Variants in TRABD2B observed in about 807,000 individuals in gnomAD.
The protein encoded by TRABD2B is TraB domain containing 2B, also known as metalloprotease TIKI2.
Under a neutral mutation model 40.1 loss-of-function variants are expected in TRABD2B, and 14 were observed. The observed-to-expected ratio is 0.35, with a 90% confidence interval of 0.23 to 0.55. The LOEUF (loss-of-function observed/expected upper bound fraction) is 0.55. TRABD2B is among the 20% of genes least tolerant of loss of function. TRABD2B has a pLI of 0.90. For missense variants in TRABD2B, 541 were observed against 648.6 expected, an observed-to-expected ratio of 0.83 and a Z score of 1.80; for synonymous variants, 263 against 277.0, an observed-to-expected ratio of 0.95 and a Z score of 0.50.
intron 3 of TRABD2B, among the ~76,000 whole-genome samples, chr1:47,800,025 TTC>T (rs1644800688): frequency 1.3e-5 from 2 of 152,182 alleles, no homozygotes; most frequent in Non-Finnish European, 2.9e-5. Context: ...CCTTCCTTCC[TTC>T]CTTCCTTCAT....
At chr1:47,946,483 A>G (rs1210916376) in intron 2 of TRABD2B, among the ~76,000 whole-genome samples, 1 of 152,138 alleles carries the variant, frequency 6.6e-6, no homozygotes, top group South Asian at 2.1e-4. Flanking sequence ...TCTGCATCTA[A>G]TGAGATGATC....
At chr1:47,864,723 C>G (rs752747210) in intron 2 of TRABD2B, among the ~76,000 whole-genome samples, 4 of 152,034 alleles carry the variant, frequency 2.6e-5, no homozygotes, top group Non-Finnish European at 5.9e-5. Flanking sequence ...TGATGACATG[C>G]TGAGGGGCCT....
At chr1:47,812,344 C>T (rs891836107) in intron 2 of TRABD2B, among the ~76,000 whole-genome samples, 3 of 152,166 alleles carry the variant, frequency 2.0e-5, no homozygotes, top group African/African-American at 7.2e-5. Flanking sequence ...GGTTGGGGGC[C>T]TCAGAGGGGT....
intron 2 of TRABD2B, among the ~76,000 whole-genome samples, chr1:47,812,406 G>T (rs1644977243): frequency 6.6e-6 from 1 of 152,204 alleles, no homozygotes; most frequent in African/African-American, 2.4e-5. Flanking sequence ...CAGCTGGGCT[G>T]CAAAGATGAG....
intron 2 of TRABD2B, among the ~76,000 whole-genome samples, chr1:47,847,982 G>T (rs977339421): frequency 8.5e-5 from 13 of 152,234 alleles, no homozygotes; most frequent in African/African-American, 2.9e-4. Context: ...AGCTACCTGA[G>T]AGCCCTGAGC....
At chr1:47,917,043 G>A (rs1446090044) in intron 2 of TRABD2B, among the ~76,000 whole-genome samples, 2 of 152,206 alleles carry the variant, frequency 1.3e-5, no homozygotes, top group African/African-American at 4.8e-5. Flanking sequence ...TCAAGACCAC[G>A]CACAGCTCCT....
chr1:47,857,709 G>A (rs1643908495), intron 2 of TRABD2B, among the ~76,000 whole-genome samples: 1 of 151,988 alleles, frequency 6.6e-6, no homozygotes, highest in African/African-American at 2.4e-5. Context: ...GGGAGTGAAG[G>A]AACTCTCCCC....
At chr1:47,787,242 C>T (rs1189288859) in intron 4 of TRABD2B, among the ~76,000 whole-genome samples, 1 of 152,158 alleles carries the variant, frequency 6.6e-6, no homozygotes, top group Non-Finnish European at 1.5e-5. Flanking sequence ...GAAGCTTTCT[C>T]TAACTTACCC....
chr1:47,857,937 T>C (rs927918432), intron 2 of TRABD2B, among the ~76,000 whole-genome samples: 1 of 128,808 alleles, frequency 7.8e-6, no homozygotes, highest in African/African-American at 3.0e-5. Flanking sequence ...TTTCAGTTAC[T>C]TGCAGACAGG....
At chr1:47,943,591 C>T (rs976369597) in intron 2 of TRABD2B, among the ~76,000 whole-genome samples, 17 of 152,114 alleles carry the variant, frequency 1.1e-4, no homozygotes, top group African/African-American at 3.4e-4. Flanking sequence ...GGAAGAGACA[C>T]CCCCACTCAC....
At chr1:47,790,766 G>A (rs1305658731) in intron 4 of TRABD2B, among the ~76,000 whole-genome samples, 1 of 152,194 alleles carries the variant, frequency 6.6e-6, no homozygotes, top group East Asian at 1.9e-4. Context: ...AATCCATCTC[G>A]TGGTGTTACG....
At chr1:47,879,149 G>A (rs1016269834) in intron 2 of TRABD2B, among the ~76,000 whole-genome samples, 4 of 151,032 alleles carry the variant, frequency 2.6e-5, no homozygotes, top group South Asian at 2.1e-4. Context: ...ATGATAGTAC[G>A]ACATGTAGGA....
intron 2 of TRABD2B, among the ~76,000 whole-genome samples, chr1:47,978,090 A>C (rs1033744226): frequency 1.3e-5 from 2 of 152,040 alleles, no homozygotes; most frequent in Non-Finnish European, 2.9e-5. Context: ...CTAATCCCCA[A>C]TGTGACGGTA....
chr1:47,973,319 T>C (rs1292186313), intron 2 of TRABD2B, among the ~76,000 whole-genome samples: 1 of 152,132 alleles, frequency 6.6e-6, no homozygotes, highest in Non-Finnish European at 1.5e-5. Flanking sequence ...CACTTGATAT[T>C]TGCATCTCCT....
At chr1:47,926,825 C>T (rs1644975818) in intron 2 of TRABD2B, among the ~76,000 whole-genome samples, 1 of 152,186 alleles carries the variant, frequency 6.6e-6, no homozygotes, top group South Asian at 2.1e-4. Flanking sequence ...CCAGCACACC[C>T]TTCCTGCCTT....
intron 2 of TRABD2B, among the ~76,000 whole-genome samples, chr1:47,939,794 T>C (rs1427443466): frequency 1.3e-5 from 2 of 152,086 alleles, no homozygotes; most frequent in African/African-American, 4.8e-5. Flanking sequence ...AAACATAAAC[T>C]CAGAGCTTCC....
intron 2 of TRABD2B, among the ~76,000 whole-genome samples, chr1:47,912,148 C>CTT (rs1465557184): frequency 6.6e-6 from 1 of 152,226 alleles, no homozygotes; most frequent in African/African-American, 2.4e-5. Flanking sequence ...CCCTGAATGA[C>CTT]TGAGTGGGCA....
At chr1:47,854,897 T>C (rs760112831) in intron 2 of TRABD2B, among the ~76,000 whole-genome samples, 1 of 152,108 alleles carries the variant, frequency 6.6e-6, no homozygotes, top group African/African-American at 2.4e-5. Context: ...GTAAAAAAGT[T>C]TGGAGCTCAC....
intron 2 of TRABD2B, among the ~76,000 whole-genome samples, chr1:47,958,972 C>T (rs1218536443): frequency 1.3e-5 from 2 of 152,188 alleles, no homozygotes; most frequent in African/African-American, 2.4e-5. Context: ...GTAAAGCACT[C>T]CTCAGCAAAT....
Sources: allele counts gnomAD v4.1 joint callset (sites outside exome capture counted in the v4.1 genomes callset), GRCh38; gene constraint gnomAD v4.1.1; transcripts MANE v1.5; gene names NCBI Gene and HGNC (gene_info 2026-07-23, HGNC 2026-07-21).